Variants in RREB1 observed in about 807,000 individuals in gnomAD.
The protein encoded by RREB1 is ras-responsive element-binding protein 1.
RREB1 carries 27 observed loss-of-function variants against 117.8 expected under a neutral mutation model. The ratio of observed to expected loss-of-function variants is 0.23; its 90% CI spans 0.17 to 0.32. The LOEUF is 0.32. RREB1 is among the 10% of genes least tolerant of loss of function. RREB1 has a pLI of 1.00. For missense variants in RREB1, 2,577 were observed against 2,378.2 expected (o/e 1.08, Z -1.74); for synonymous variants, 1,298 against 1,026.7 (o/e 1.26, Z -5.05).
chr6:7,248,364 G>T lies in RREB1; in HGVS notation c.4772-147G>T, dbSNP rs374715110. ...AGAGCTTGTCCGTCCTCAGTTTGCT[G>T]GTTCAAGGAAGAGGCCTCTGGCTGA... is the stretch of plus-strand genomic sequence containing the variant. On this transcript the variant is annotated intron_variant, in intron 12 of 12. Transcript: ENST00000379938. The T allele has an allele frequency of 1.7e-5, 11 of 653,586 alleles. No individual in the cohort carries two copies. The African/African-American group carries it at 1.8e-4, about 11-fold the overall frequency. The allele number at this position is 653,586 out of a possible 1,614,324, so 40.5% of individuals were successfully genotyped here.
rs763169132 is a variant in RREB1, at chr6:7,229,772, C to T, written c.1673C>T (p.Ser558Phe). Reference protein sequence around the residue: ...KLLKGSVEAASNAHLLQSKSG... With the variant: ...KLLKGSVEAAFNAHLLQSKSG... ...CTCAAAGGCTCAGTGGAGGCGGCCT[C>T]CAACGCCCACCTGCTGCAGTCCAAG... is the stretch of plus-strand genomic sequence containing the variant. The change falls in exon 10 of 13, where the codon TCC becomes TTC. Residue 558 changes from serine (S) to phenylalanine (F), a missense_variant. Coordinates refer to ENST00000379938, the MANE Select transcript of RREB1 (RefSeq NM_001003699.4). The surrounding 1 kb of genome is among the most constrained non-coding windows in gnomAD (Gnocchi z 4.5). The T allele has an allele frequency of 6.2e-7, 1 of 1,606,434 alleles. No individual in the cohort carries two copies. The highest frequency in any genetic ancestry group is 1.7e-5 in the Admixed American group (1 of 59,704).
chr6:7,125,399 G>A (rs912615071), intron 1 of RREB1, among the ~76,000 whole-genome samples: 1 of 152,210 alleles, frequency 6.6e-6, no homozygotes, highest in Non-Finnish European at 1.5e-5. Context: ...AAGTGGAAGA[G>A]TGGGGCCTTG....
At chr6:7,174,016 CTGCCTCCGTTGACTT>C (rs1254213358) in intron 1 of RREB1, among the ~76,000 whole-genome samples, 2 of 152,192 alleles carry the variant, frequency 1.3e-5, no homozygotes, top group Admixed American at 1.3e-4. Context: ...CTTAGTCCTC[CTGCCTCCGTTGACTT>C]TGCGTAAATC....
Position 7,246,745 on chromosome 6 carries a change from G to A in RREB1, c.4295G>A (p.Gly1432Asp). The change falls in exon 12 of 13, where the codon GGC becomes GAC. Residue 1432 changes from glycine to aspartate, a missense_variant. By Grantham distance (94) the Gly-to-Asp change is moderately conservative. Coordinates refer to ENST00000379938, the MANE Select transcript of RREB1 (RefSeq NM_001003699.4). ...TKLMDFKLAE[G>D]DGEAGAGGAA... ...CTCATGGACTTCAAGCTGGCGGAGGGCGACGGCGAGGCAGGCGCCGGGGGC... is the reference window on the plus strand; with the variant it reads ...CTCATGGACTTCAAGCTGGCGGAGGACGACGGCGAGGCAGGCGCCGGGGGC... The A allele has an allele frequency of 6.4e-7, 1 of 1,572,708 alleles. No individual in the cohort carries two copies. Among genetic ancestry groups the A allele is most frequent in the Non-Finnish European group, 8.6e-7 (1 of 1,159,700 alleles).
At chr6:7,236,512 G>A (rs1190423852) in intron 10 of RREB1, among the ~76,000 whole-genome samples, 4 of 152,184 alleles carry the variant, frequency 2.6e-5, no homozygotes, top group African/African-American at 4.8e-5. Context: ...TTGGCCGTTT[G>A]TACCCAGTCC....
At chr6:7,198,837 A>G (rs1581526110) in intron 6 of RREB1, among the ~76,000 whole-genome samples, 1 of 152,166 alleles carries the variant, frequency 6.6e-6, no homozygotes, top group South Asian at 2.1e-4. Flanking sequence ...TGATCATTCC[A>G]CTTAATATGC....
At chr6:7,204,865 G>A (rs1180480265) in intron 6 of RREB1, among the ~76,000 whole-genome samples, 1 of 152,190 alleles carries the variant, frequency 6.6e-6, no homozygotes, top group African/African-American at 2.4e-5. Flanking sequence ...GACCTGCTCT[G>A]AGGGCAGCTA....
chr6:7,250,644 C>T lies in RREB1; in HGVS notation c.*1676C>T, dbSNP rs1359252022. 2 of 152,136 alleles carry T rather than the reference C, an allele frequency of 1.3e-5. No individual in the cohort carries two copies. Among genetic ancestry groups the T allele is most frequent in the Non-Finnish European group, 2.9e-5 (2 of 68,056 alleles). The allele number at this position is 152,136 out of a possible 1,614,324, so 9.4% of individuals were successfully genotyped here. A position where few individuals can be genotyped will look rare whatever the true frequency, so the allele number is the denominator to read the frequency against. ...TGTACCCCAGCTTCCTTCCCCTGGC[C>T]TTTTCTGGCCCCAGTGCTCCTCCTT... On this transcript the variant is annotated 3_prime_UTR_variant, in exon 13 of 13. Coordinates refer to ENST00000379938, the MANE Select transcript of RREB1 (RefSeq NM_001003699.4).
intron 1 of RREB1, among the ~76,000 whole-genome samples, chr6:7,172,627 G>A (rs1333351358): frequency 1.3e-5 from 2 of 152,036 alleles, no homozygotes; most frequent in Non-Finnish European, 2.9e-5. Flanking sequence ...GTGCCCCATG[G>A]TGTAGGGGCC....
intron 10 of RREB1, among the ~76,000 whole-genome samples, chr6:7,232,135 C>A (rs1467380832): frequency 6.6e-6 from 1 of 152,220 alleles, no homozygotes. Flanking sequence ...GGGCAGCATT[C>A]TACTAAGTGT....
At chr6:7,154,826 A>G (rs965588949) in intron 1 of RREB1, among the ~76,000 whole-genome samples, 10 of 152,118 alleles carry the variant, frequency 6.6e-5, no homozygotes, top group Non-Finnish European at 1.0e-4. Context: ...TTTTTCTTGA[A>G]TGGAGACAGT....
intron 1 of RREB1, among the ~76,000 whole-genome samples, chr6:7,123,405 G>T (rs1344516535): frequency 6.6e-6 from 1 of 152,054 alleles, no homozygotes. Context: ...CAGGCAGTCC[G>T]CCCGTCTCAG....
At chr6:7,114,213 C>T (rs1761277154) in intron 1 of RREB1, among the ~76,000 whole-genome samples, 1 of 152,178 alleles carries the variant, frequency 6.6e-6, no homozygotes, top group Non-Finnish European at 1.5e-5. Flanking sequence ...CCTCCACCTC[C>T]AGGGTTCAAG....
At chr6:7,154,740 A>T (rs1188399425) in intron 1 of RREB1, among the ~76,000 whole-genome samples, 1 of 151,938 alleles carries the variant, frequency 6.6e-6, no homozygotes, top group East Asian at 1.9e-4. Context: ...TCCAGAGCCT[A>T]CTCCTTAACT....
rs556690696 is a variant in RREB1 at position 7,246,560 on chromosome 6, G to A, written c.4110G>A (p.Thr1370=). 7 of 1,548,838 alleles carry A rather than the reference G, an allele frequency of 4.5e-6. No individual in the cohort carries two copies. The highest frequency in any genetic ancestry group is 1.7e-6 in the Non-Finnish European group (2 of 1,146,840). The change falls in exon 12 of 13, where the codon ACG becomes ACA. Residue 1370 remains threonine (T), a synonymous_variant. Transcript: ENST00000379938. ...VAGDAPVEQA[T]AETASPVHRE... is the part of the protein sequence containing the mutation. ...GGGATGCGCCTGTGGAGCAGGCCAC[G>A]GCGGAAACGGCCTCGCCGGTGCACC...
intron 2 of RREB1, among the ~76,000 whole-genome samples, chr6:7,179,532 A>C (rs935605588): frequency 2.0e-5 from 3 of 152,254 alleles, no homozygotes; most frequent in Admixed American, 6.5e-5. Flanking sequence ...TTCTCTGTAC[A>C]TTAAAATTGT....
At chr6:7,140,784 A>G (rs1157356208) in intron 1 of RREB1, 1 of 152,222 alleles carries the variant, frequency 6.6e-6, no homozygotes, top group East Asian at 1.9e-4. Flanking sequence ...CCTAAACTTG[A>G]AAGTGGACTT....
intron 1 of RREB1, among the ~76,000 whole-genome samples, chr6:7,174,151 C>CTTTTTTTT (rs59106767): frequency 1.5e-5 from 2 of 131,058 alleles, no homozygotes; most frequent in African/African-American, 2.9e-5. Context: ...CTAGTCTTTC[C>CTTTTTTTT]TTTTTTTTTT....
At chr6:7,139,429 G>T (rs1162455065) in intron 1 of RREB1, 1 of 152,236 alleles carries the variant, frequency 6.6e-6, no homozygotes, top group African/African-American at 2.4e-5. Context: ...TACTTTGAGT[G>T]AATGTAATGG....
Sources: gnomAD v4.1 joint callset for allele counts (sites outside exome capture counted in the v4.1 genomes callset) on GRCh38, gnomAD v4.1.1 for gene constraint, Gnocchi (gnomAD v3.1) non-coding constraint, MANE v1.5 for transcripts, NCBI Gene and HGNC (gene_info 2026-07-23, HGNC 2026-07-21) for gene names.